KLF12: variants seen among roughly 807,000 people sequenced by gnomAD.
KLF12 encodes KLF transcription factor 12, also known as Krueppel-like factor 12.
KLF12 carries 9 observed loss-of-function variants against 37.8 expected under a neutral mutation model. That is an observed-to-expected ratio of 0.24 (90% confidence interval 0.14 to 0.42). KLF12 has a LOEUF of 0.42. KLF12 is among the 10% of genes least tolerant of loss of function. KLF12 has a pLI of 1.00. For synonymous variants in KLF12, 208 were observed against 202.1 expected, an observed-to-expected ratio of 1.03 and a Z score of -0.25; for missense variants, 411 against 516.0, an observed-to-expected ratio of 0.80 and a Z score of 1.97.
intron 1 of KLF12, among the ~76,000 whole-genome samples, chr13:74,071,553 C>G (rs534332084): frequency 1.3e-5 from 2 of 151,728 alleles, no homozygotes; most frequent in South Asian, 4.2e-4. Context: ...ATTAGCCGGG[C>G]GTGGTGGCAG....
At chr13:73,893,318 A>AT (rs896881900) in intron 3 of KLF12, among the ~76,000 whole-genome samples, 35 of 101,462 alleles carry the variant, frequency 3.4e-4, no homozygotes, top group Middle Eastern at 8.2e-3. Flanking sequence ...TGATCAGTTC[A>AT]TTTTTTTTTC....
chr13:74,006,524 T>C (rs1436236911), intron 1 of KLF12, among the ~76,000 whole-genome samples: 5 of 152,202 alleles, frequency 3.3e-5, no homozygotes, highest in Non-Finnish European at 1.5e-5. Context: ...ACATTTATCA[T>C]CTTATTGTAC....
At chr13:73,856,867 G>A (rs1210470576) in intron 3 of KLF12, among the ~76,000 whole-genome samples, 1 of 151,900 alleles carries the variant, frequency 6.6e-6, no homozygotes, top group Admixed American at 6.6e-5. Flanking sequence ...TTTGCCTGTA[G>A]TCCCAGCTAC....
chr13:73,776,596 A>G (rs76676758), intron 5 of KLF12, among the ~76,000 whole-genome samples: 2,544 of 152,326 alleles, frequency 0.017, 70 homozygotes, highest in African/African-American at 0.058. Flanking sequence ...CATTTATAGT[A>G]GTCACATTCA....
intron 6 of KLF12, among the ~76,000 whole-genome samples, chr13:73,733,102 A>G (rs543627818): frequency 5.3e-5 from 8 of 152,054 alleles, no homozygotes; most frequent in East Asian, 1.9e-4. Context: ...CTGCTCCCAC[A>G]CCCTTACTCC....
chr13:74,034,138 C>G (rs747874390), intron 1 of KLF12, among the ~76,000 whole-genome samples: 2 of 152,210 alleles, frequency 1.3e-5, no homozygotes, highest in African/African-American at 4.8e-5. Flanking sequence ...TCTCAGCTCA[C>G]TGCAACCTCT....
At chr13:73,835,580 C>A (rs1446943390) in intron 4 of KLF12, among the ~76,000 whole-genome samples, 1 of 151,958 alleles carries the variant, frequency 6.6e-6, no homozygotes, top group East Asian at 1.9e-4. Context: ...AAGGGAGGTG[C>A]AGAAAGGGCA....
chr13:73,991,595 A>G (rs910278548), intron 2 of KLF12, among the ~76,000 whole-genome samples: 1 of 152,226 alleles, frequency 6.6e-6, no homozygotes, highest in Admixed American at 6.5e-5. Context: ...TCCTCTTTGC[A>G]GATGAGAAAG....
At chr13:73,908,045 G>A (rs1321544096) in intron 3 of KLF12, among the ~76,000 whole-genome samples, 1 of 152,128 alleles carries the variant, frequency 6.6e-6, no homozygotes, top group East Asian at 1.9e-4. Context: ...TTAGTCTACT[G>A]CATCTTTCAG....
chr13:74,263,352 T>G, the KLF12 span, among the ~76,000 whole-genome samples: 12 of 152,196 alleles, frequency 7.9e-5, no homozygotes, highest in Non-Finnish European at 1.3e-4. Flanking sequence ...TAAGTTGCTA[T>G]TGTATGCAGC....
chr13:73,791,102 G>T (rs1359397573), intron 5 of KLF12, among the ~76,000 whole-genome samples: 1 of 152,150 alleles, frequency 6.6e-6, no homozygotes, highest in African/African-American at 2.4e-5. Flanking sequence ...ATCCTAAACA[G>T]CTCTCTTCAC....
chr13:73,823,660 G>C (rs1317631302), intron 4 of KLF12, among the ~76,000 whole-genome samples: 2 of 152,080 alleles, frequency 1.3e-5, no homozygotes, highest in African/African-American at 2.4e-5. Flanking sequence ...CATACTGTTG[G>C]ACCTTTCTAT....
chr13:73,870,000 G>T (rs910331523), intron 3 of KLF12, among the ~76,000 whole-genome samples: 5 of 152,132 alleles, frequency 3.3e-5, no homozygotes, highest in African/African-American at 1.2e-4. Context: ...TACCCAGTTA[G>T]AACATTCTTT....
chr13:74,134,270 G>C (rs1298443563), upstream of KLF12, among the ~76,000 whole-genome samples: 1 of 151,996 alleles, frequency 6.6e-6, no homozygotes, highest in Non-Finnish European at 1.5e-5. Context: ...CGCTGCCGGC[G>C]AGCCCCGGGG....
At chr13:73,745,995 G>A (rs909910749) in intron 6 of KLF12, among the ~76,000 whole-genome samples, 4 of 151,498 alleles carry the variant, frequency 2.6e-5, no homozygotes, top group African/African-American at 7.3e-5. Flanking sequence ...TGGACCCAGA[G>A]AGAAATCAGC....
intron 2 of KLF12, among the ~76,000 whole-genome samples, chr13:73,966,476 G>C (rs9600197): frequency 0.049 from 7,445 of 152,270 alleles, 391 homozygotes; most frequent in African/African-American, 0.13. Context: ...GTGAGGCCCT[G>C]AAATGTGCAG....
chr13:74,040,570 CT>C (rs140518786), intron 1 of KLF12, among the ~76,000 whole-genome samples: 16,749 of 152,196 alleles, frequency 0.11, 1,001 homozygotes, highest in African/African-American at 0.13. Flanking sequence ...AAATTCTCAC[CT>C]TTTCCATTTT....
chr13:73,862,601 T>C (rs1885987846), intron 3 of KLF12, among the ~76,000 whole-genome samples: 1 of 148,222 alleles, frequency 6.7e-6, no homozygotes, highest in African/African-American at 2.4e-5. Flanking sequence ...TTAAGACGAC[T>C]ATGTTTCGTG....
At chr13:74,214,251 C>G in the KLF12 span, among the ~76,000 whole-genome samples, 1 of 151,890 alleles carries the variant, frequency 6.6e-6, no homozygotes, top group African/African-American at 2.4e-5. Flanking sequence ...CCCTCCCCAG[C>G]CCACCCCTAG....
Sources: allele counts gnomAD v4.1 joint callset (sites outside exome capture counted in the v4.1 genomes callset), GRCh38; gene constraint gnomAD v4.1.1; transcripts MANE v1.5; gene names NCBI Gene and HGNC (gene_info 2026-07-23, HGNC 2026-07-21).